PINK1: variants seen among roughly 807,000 people sequenced by gnomAD.
The protein encoded by PINK1 is serine/threonine-protein kinase PINK1, mitochondrial.
In PINK1, 58 loss-of-function variants were observed where a neutral mutation model predicts 56.0. The observed-to-expected ratio is 1.04, with a 90% CI of 0.84 to 1.29. The LOEUF (loss-of-function observed/expected upper bound fraction) is 1.29, where lower values mean the gene tolerates loss of function less well. Among genes scored for constraint, PINK1 ranks in the 50% most tolerant of loss-of-function variants. The pLI is 0.00. For missense variants in PINK1, 745 were observed against 777.9 expected, an observed-to-expected ratio of 0.96 and a Z score of 0.50; for synonymous variants, 354 against 339.3, an observed-to-expected ratio of 1.04 and a Z score of -0.48.
At chr1:20,647,844 C>CA (rs2053205075) in intron 5 of PINK1, among the ~76,000 whole-genome samples, 1 of 151,998 alleles carries the variant, frequency 6.6e-6, no homozygotes, top group African/African-American at 2.4e-5. Context: ...TTTTCTGAGA[C>CA]AGAGTCTCGC....
chr1:20,651,443 T>C lies in PINK1; in HGVS notation c.*752T>C, dbSNP rs1294678608. Reference sequence around the variant, plus strand: ...GATTTCATGTCTAACTAACTAACTTTATACATGATTTTTAGGAAGCTATTG... The same window carrying C: ...GATTTCATGTCTAACTAACTAACTTCATACATGATTTTTAGGAAGCTATTG... On this transcript the variant is annotated 3_prime_UTR_variant, in exon 8 of 8. Coordinates refer to ENST00000321556, the MANE Select transcript of PINK1 (RefSeq NM_032409.3). The C allele has an allele frequency of 6.6e-6, 1 of 152,382 alleles. No homozygotes were observed. Among genetic ancestry groups the C allele is most frequent in the Non-Finnish European group, 1.5e-5 (1 of 68,270 alleles). The allele number at this position is 152,382 out of a possible 1,614,324, so 9.4% of individuals were successfully genotyped here.
chr1:20,647,292 C>T lies in PINK1; in HGVS notation c.1124-1213C>T, dbSNP rs185635517. Reference sequence around the variant, plus strand: ...CAGGATGGTCTCTATCTCCTGACTTCGTGATCCACCTGCTTCGGCCTCCCA... The same window carrying T: ...CAGGATGGTCTCTATCTCCTGACTTTGTGATCCACCTGCTTCGGCCTCCCA... On this transcript the variant is annotated intron_variant, in intron 5 of 7. Coordinates refer to ENST00000321556, the MANE Select transcript of PINK1 (RefSeq NM_032409.3). 2.7e-3 allele frequency among the ~76,000 whole-genome samples: 412 copies of T among 151,830 alleles called. 3 individuals carry two copies. Among genetic ancestry groups the T allele is most frequent in the African/African-American group, 9.7e-3 (403 of 41,416 alleles).
intron 1 of PINK1, among the ~76,000 whole-genome samples, chr1:20,636,970 G>A (rs1427449712): frequency 1.3e-5 from 2 of 152,202 alleles, no homozygotes; most frequent in Non-Finnish European, 1.5e-5. Flanking sequence ...GGACAGCCGA[G>A]TGACACATGA....
chr1:20,650,902 C>A lies in PINK1; in HGVS notation c.*211C>A. 4.6e-6 allele frequency: 3 copies of A among 649,214 alleles called. No homozygotes were observed. The highest frequency in any genetic ancestry group is 8.0e-6 in the Non-Finnish European group (3 of 375,772). The allele number at this position is 649,214 out of a possible 1,614,324, so 40.2% of individuals were successfully genotyped here. A position where few individuals can be genotyped will look rare whatever the true frequency, so the allele number is the denominator to read the frequency against. ...CACAGACATCTGAAAAGTGAATGGCCAAGCTGGTCTAGTAGATGAGGCTGG... is the reference window on the plus strand; with the variant it reads ...CACAGACATCTGAAAAGTGAATGGCAAAGCTGGTCTAGTAGATGAGGCTGG... On this transcript the variant is annotated 3_prime_UTR_variant, in exon 8 of 8. Coordinates refer to ENST00000321556, the MANE Select transcript of PINK1 (RefSeq NM_032409.3).
chr1:20,635,354 A>C (rs1287455035), intron 1 of PINK1, among the ~76,000 whole-genome samples: 1 of 150,620 alleles, frequency 6.6e-6, no homozygotes, highest in South Asian at 2.1e-4. Flanking sequence ...TACAAAAATT[A>C]CCCGGGCGCA....
At chr1:20,640,957 G>A (rs1345230470) in intron 3 of PINK1, among the ~76,000 whole-genome samples, 5 of 152,120 alleles carry the variant, frequency 3.3e-5, no homozygotes, top group African/African-American at 1.2e-4. Context: ...GATCATTTGA[G>A]TCCAGGGAGG....
chr1:20,641,267 CT>C lies in PINK1; in HGVS notation c.776+1280del, dbSNP rs1309931886. The stretch of plus-strand genomic sequence containing the variant: ...AAGTGGCTGCTGCTTCTCCTGAGGC[CT>C]TTTTGGAGAAAGTGGACACCTGAAT... On this transcript the variant is annotated intron_variant, in intron 3 of 7. Coordinates refer to ENST00000321556, the MANE Select transcript of PINK1 (RefSeq NM_032409.3). The surrounding 1 kb of genome is among the most constrained non-coding windows in gnomAD (Gnocchi z 4.0). Among the ~76,000 whole-genome samples, 1 of 152,066 alleles carries C rather than the reference CT, an allele frequency of 6.6e-6. No individual in the cohort carries two copies. The highest frequency in any genetic ancestry group is 2.4e-5 in the African/African-American group (1 of 41,384).
At chr1:20,645,767 G>A (rs2053172611) in intron 5 of PINK1, 44 bp downstream of exon 5, 1 of 1,612,928 alleles carries the variant, frequency 6.2e-7, no homozygotes, top group Non-Finnish European at 8.5e-7. Flanking sequence ...GGGCACTAGA[G>A]GGTGGGTCAG....
intron 7 of PINK1, 109 bp from the exon 8 acceptor site, chr1:20,650,325 G>T (rs933387288): frequency 7.7e-6 from 11 of 1,423,512 alleles, no homozygotes; most frequent in Admixed American, 1.9e-5. Context: ...TAGGGTAGAG[G>T]AAGAATTGGG....
chr1:20,635,503 G>A (rs551403289), intron 1 of PINK1, among the ~76,000 whole-genome samples: 3 of 149,736 alleles, frequency 2.0e-5, no homozygotes, highest in African/African-American at 7.4e-5. Context: ...TCTGACTGGG[G>A]GGAGAAAAAG....
At chr1:20,646,363 C>T (rs1162695546) in intron 5 of PINK1, among the ~76,000 whole-genome samples, 1 of 152,016 alleles carries the variant, frequency 6.6e-6, no homozygotes, top group East Asian at 1.9e-4. Flanking sequence ...AAATAACTTT[C>T]GGCCGGGGGT....
intron 1 of PINK1, 116 bp from the exon 2 acceptor site, chr1:20,637,726 A>G (rs2053070109): frequency 8.2e-7 from 1 of 1,225,548 alleles, no homozygotes; most frequent in African/African-American, 1.5e-5. Flanking sequence ...TTTCTGGTTT[A>G]TTGATCTGGT....
In PINK1 at chr1:20,650,803, T is replaced by A; in HGVS notation, c.*112T>A. ...GGAGACAAGACAGCGCAGAGAGGGC[T>A]GGTTAGCCGGAAAAGGCCTCGGGCT... On this transcript the variant is annotated 3_prime_UTR_variant, in exon 8 of 8. Coordinates refer to ENST00000321556, the MANE Select transcript of PINK1 (RefSeq NM_032409.3). 1 of 1,444,802 alleles carries A rather than the reference T, an allele frequency of 6.9e-7. No homozygotes were observed. Among genetic ancestry groups the A allele is most frequent in the African/African-American group, 1.4e-5 (1 of 71,330 alleles). 89.5% of individuals were successfully genotyped at this position (1,444,802 alleles called of 1,614,324 possible).
At chr1:20,640,066 C>A in intron 3 of PINK1, 74 bp downstream of exon 3, 3 of 1,205,828 alleles carry the variant, frequency 2.5e-6, no homozygotes, top group African/African-American at 1.5e-5. Flanking sequence ...ATGTCCTCAG[C>A]ACCTGGTACA....
chr1:20,650,768 G>A lies in PINK1; in HGVS notation c.*77G>A, dbSNP rs970786688. 1.3e-6 allele frequency: 2 copies of A among 1,559,464 alleles called. No homozygotes were observed. Among genetic ancestry groups the A allele is most frequent in the Admixed American group, 3.7e-5 (2 of 54,682 alleles). ...TCGTGATGGTCTGTGAATGGTGAGG[G>A]TGGGAGTCAGGAGACAAGACAGCGC... On this transcript the variant is annotated 3_prime_UTR_variant, in exon 8 of 8. Coordinates refer to ENST00000321556, the MANE Select transcript of PINK1 (RefSeq NM_032409.3).
In PINK1 at chr1:20,639,961, T is replaced by G. The variant is rs145650643; in HGVS notation, c.745T>G (p.Leu249Val). ...GCTGGTCCCAGCGAGCCGAGTGGCC[T>G]TGGCTGGGGAGTATGGAGCAGTCAC... ...QELVPASRVA[L>V]AGEYGAVTYR... The change falls in exon 3 of 8, where the codon TTG (leucine) becomes GTG (valine). Residue 249 changes from leucine (L) to valine (V), a missense_variant. Physicochemically the swap from Leu to Val is conservative, Grantham distance 32 (BLOSUM62 1). Coordinates refer to ENST00000321556, the MANE Select transcript of PINK1 (RefSeq NM_032409.3). 106 of 1,612,046 alleles carry G rather than the reference T, an allele frequency of 6.6e-5. No homozygotes were observed. The highest frequency in any genetic ancestry group is 1.6e-4 in the Middle Eastern group (1 of 6,078).
At chr1:20,646,846 C>T (rs545131217) in intron 5 of PINK1, among the ~76,000 whole-genome samples, 1 of 141,002 alleles carries the variant, frequency 7.1e-6, no homozygotes, top group African/African-American at 2.6e-5. Context: ...ACTAGAGGAA[C>T]TGGCTTTTAT....
chr1:20,633,731 C>T lies in PINK1; in HGVS notation c.183C>T (p.Leu61=), dbSNP rs774802703. Residue 61 remains leucine, a synonymous_variant, in exon 1 of 8, where the codon CTC becomes CTT. Coordinates refer to ENST00000321556, the MANE Select transcript of PINK1 (RefSeq NM_032409.3). ...GPGAEPRRVG[L]GLPNRLRFFR... is the part of the protein sequence containing the mutation. Reference sequence around the variant, plus strand: ...GCGCGGAGCCTCGCAGGGTCGGGCTCGGGCTCCCTAACCGTCTCCGCTTCT... The same window carrying T: ...GCGCGGAGCCTCGCAGGGTCGGGCTTGGGCTCCCTAACCGTCTCCGCTTCT... 30 of 1,533,932 alleles carry T rather than the reference C, an allele frequency of 2.0e-5. No individual in the cohort carries two copies. The highest frequency in any genetic ancestry group is 7.1e-5 in the South Asian group (6 of 83,958).
Position 20,633,466 on chromosome 1 carries a change from C to T in PINK1, c.-83C>T. 4 of 1,051,984 alleles carry T rather than the reference C, an allele frequency of 3.8e-6. No individual in the cohort carries two copies. Among genetic ancestry groups the T allele is most frequent in the South Asian group, 9.2e-5 (2 of 21,854 alleles). The allele number at this position is 1,051,984 out of a possible 1,614,324, so 65.2% of individuals were successfully genotyped here. On this transcript the variant is annotated 5_prime_UTR_variant, in exon 1 of 8. Coordinates refer to ENST00000321556, the MANE Select transcript of PINK1 (RefSeq NM_032409.3). ...AGCGCCTGCGCCTGCGCAGAGGCAC[C>T]GCCCCAAGTTTGTTGTGACCGGCGG...
Sources: allele counts gnomAD v4.1 joint callset (sites outside exome capture counted in the v4.1 genomes callset), GRCh38; gene constraint gnomAD v4.1.1; non-coding constraint Gnocchi (gnomAD v3.1); transcripts MANE v1.5; gene names NCBI Gene and HGNC (gene_info 2026-07-23, HGNC 2026-07-21).